The following FBXL20 variants were observed in gnomAD, a reference collection of about 807,000 sequenced individuals.
FBXL20 encodes F-box/LRR-repeat protein 20.
A neutral mutation model predicts 64.0 loss-of-function variants in FBXL20; 11 were observed. The observed-to-expected ratio is 0.17, with a 90% confidence interval of 0.11 to 0.28. The LOEUF (loss-of-function observed/expected upper bound fraction) is 0.28. Among genes scored for constraint, FBXL20 ranks in the 10% least tolerant of loss-of-function variants. The pLI, the probability that FBXL20 is intolerant of heterozygous loss-of-function variation, is 1.00. For synonymous variants in FBXL20, 184 were observed against 189.0 expected, an observed-to-expected ratio of 0.97 and a Z score of 0.22; for missense variants, 303 against 526.2, an observed-to-expected ratio of 0.58 and a Z score of 4.15.
intron 2 of FBXL20, among the ~76,000 whole-genome samples, chr17:39,317,026 CAT>C (rs1268494521): frequency 2.6e-5 from 4 of 152,154 alleles, no homozygotes; most frequent in African/African-American, 9.7e-5. Flanking sequence ...ATTAACCAAA[CAT>C]AAGATGTTCT....
intron 2 of FBXL20, among the ~76,000 whole-genome samples, chr17:39,319,424 C>T (rs536372338): frequency 1.3e-3 from 195 of 152,220 alleles, no homozygotes; most frequent in Middle Eastern, 3.4e-3. Context: ...CGGTGGCTCA[C>T]GCCTGTAATC....
chr17:39,313,781 A>C (rs1388402125), intron 2 of FBXL20, among the ~76,000 whole-genome samples: 4 of 152,004 alleles, frequency 2.6e-5, no homozygotes, highest in Admixed American at 6.6e-5. Flanking sequence ...GATTACAGGC[A>C]TGCGCCACCA....
chr17:39,306,692 T>G (rs896838856), intron 2 of FBXL20, among the ~76,000 whole-genome samples: 1 of 152,124 alleles, frequency 6.6e-6, no homozygotes, highest in African/African-American at 2.4e-5. Flanking sequence ...GATTGAAATA[T>G]TTGCATGATG....
chr17:39,277,493 G>A (rs906079593), intron 9 of FBXL20, among the ~76,000 whole-genome samples: 4 of 151,996 alleles, frequency 2.6e-5, no homozygotes, highest in East Asian at 3.9e-4. Context: ...ACGGTGGCTC[G>A]CGTCTGTAAT....
At chr17:39,373,818 G>C (rs948491857) in intron 1 of FBXL20, among the ~76,000 whole-genome samples, 3 of 152,178 alleles carry the variant, frequency 2.0e-5, no homozygotes, top group African/African-American at 7.2e-5. Context: ...ACTGATTGAA[G>C]GGCTAAATGT....
intron 2 of FBXL20, among the ~76,000 whole-genome samples, chr17:39,338,079 C>T (rs796571262): frequency 1.1e-4 from 17 of 152,132 alleles, no homozygotes; most frequent in Middle Eastern, 3.4e-3. Flanking sequence ...GACAATGGCG[C>T]TTTTGTGGAA....
chr17:39,313,710 A>G (rs568778863), intron 2 of FBXL20, among the ~76,000 whole-genome samples: 1 of 152,216 alleles, frequency 6.6e-6, no homozygotes, highest in East Asian at 1.9e-4. Flanking sequence ...ATCTCGGCTC[A>G]CAGCAACCTC....
At position 39,256,306 on chromosome 17, in the gene FBXL20, G is replaced by A. The variant is rs2046694971; in HGVS notation, c.*5154C>T. Reference sequence around the variant, plus strand: ...ATGGCACTCCAACCTGGGTGACAGAGCGAGACTCCATGTCAAAAAAAAAAA... The same window carrying A: ...ATGGCACTCCAACCTGGGTGACAGAACGAGACTCCATGTCAAAAAAAAAAA... On this transcript the variant is annotated 3_prime_UTR_variant, in exon 15 of 15. Transcript: ENST00000264658. 1 of 133,426 alleles carries A rather than the reference G, an allele frequency of 7.5e-6. No individual in the cohort carries two copies. The highest frequency in any genetic ancestry group is 1.5e-5 in the Non-Finnish European group (1 of 64,568). The allele number at this position is 133,426 out of a possible 1,614,324, so 8.3% of individuals were successfully genotyped here.
intron 2 of FBXL20, among the ~76,000 whole-genome samples, chr17:39,313,293 G>A (rs866988764): frequency 6.6e-6 from 1 of 151,526 alleles, no homozygotes; most frequent in Non-Finnish European, 1.5e-5. Context: ...GGGTGCAATG[G>A]CGCAATCTCG....
At chr17:39,362,225 A>G (rs1225148456) in intron 1 of FBXL20, among the ~76,000 whole-genome samples, 1 of 151,634 alleles carries the variant, frequency 6.6e-6, no homozygotes, top group Non-Finnish European at 1.5e-5. Flanking sequence ...CCCGGGAGGC[A>G]GAGCTTGCAG....
chr17:39,369,783 G>A (rs1173610403), intron 1 of FBXL20, among the ~76,000 whole-genome samples: 2 of 152,126 alleles, frequency 1.3e-5, no homozygotes, highest in Non-Finnish European at 2.9e-5. Flanking sequence ...CCACAGGCAT[G>A]TGGTCCACAC....
chr17:39,327,633 T>C (rs1208706976), intron 2 of FBXL20, among the ~76,000 whole-genome samples: 1 of 152,186 alleles, frequency 6.6e-6, no homozygotes, highest in East Asian at 1.9e-4. Flanking sequence ...ACCATATATT[T>C]ATTAAAGTAC....
chr17:39,378,058 G>A (rs1304480372), intron 1 of FBXL20, among the ~76,000 whole-genome samples: 1 of 152,080 alleles, frequency 6.6e-6, no homozygotes, highest in Non-Finnish European at 1.5e-5. Flanking sequence ...AGATTTTAAG[G>A]TCACAAATGA....
At chr17:39,268,778 T>C (rs2046814295) in intron 12 of FBXL20, 49 bp downstream of exon 12, 10 of 1,497,372 alleles carry the variant, frequency 6.7e-6, no homozygotes, top group Admixed American at 1.7e-5. Flanking sequence ...TTGTGTATTA[T>C]CTAAGTGTCT....
chr17:39,381,970 T>G (rs1395325411), intron 1 of FBXL20, among the ~76,000 whole-genome samples: 2 of 140,194 alleles, frequency 1.4e-5, no homozygotes, highest in Non-Finnish European at 3.3e-5. Flanking sequence ...GGCACACACC[T>G]GTAGTCCCAG....
chr17:39,302,402 C>G (rs201762478), intron 3 of FBXL20, among the ~76,000 whole-genome samples: 1 of 142,626 alleles, frequency 7.0e-6, no homozygotes, highest in East Asian at 2.1e-4. Flanking sequence ...GAGACGGAGT[C>G]TCGTTCTGTC....
At chr17:39,303,929 G>T (rs2047159303) in intron 2 of FBXL20, among the ~76,000 whole-genome samples, 1 of 152,074 alleles carries the variant, frequency 6.6e-6, no homozygotes, top group African/African-American at 2.4e-5. Context: ...CAAGCAATTG[G>T]CCTCCCAAAT....
At chr17:39,263,219 A>G (rs1473852665) in intron 14 of FBXL20, among the ~76,000 whole-genome samples, 1 of 151,816 alleles carries the variant, frequency 6.6e-6, no homozygotes, top group East Asian at 1.9e-4. Context: ...TGTCTCCACA[A>G]AATAGTTTTT....
At chr17:39,379,635 G>C (rs1282654020) in intron 1 of FBXL20, among the ~76,000 whole-genome samples, 1 of 151,714 alleles carries the variant, frequency 6.6e-6, no homozygotes, top group Non-Finnish European at 1.5e-5. Flanking sequence ...AAAAAAATTA[G>C]CTGGGCGTGG....
Sources: gnomAD v4.1 joint callset for allele counts (sites outside exome capture counted in the v4.1 genomes callset) on GRCh38, gnomAD v4.1.1 for gene constraint, MANE v1.5 for transcripts, NCBI Gene and HGNC (gene_info 2026-07-23, HGNC 2026-07-21) for gene names.